The following FAAP20 variants were observed in gnomAD, a reference collection of about 807,000 sequenced individuals.
FAAP20 encodes the protein FA core complex associated protein 20.
In FAAP20, 12 loss-of-function variants were observed where a neutral mutation model predicts 16.2. That is an observed-to-expected ratio of 0.74 (90% CI 0.48 to 1.20). The LOEUF (loss-of-function observed/expected upper bound fraction) is 1.20, where lower values mean the gene tolerates loss of function less well. FAAP20 is among the 50% of genes most tolerant of loss of function. FAAP20 has a pLI of 0.00. For synonymous variants in FAAP20, 141 were observed against 110.7 expected (o/e 1.27, Z -1.72); for missense variants, 288 against 245.8 (o/e 1.17, Z -1.15).
upstream of FAAP20, among the ~76,000 whole-genome samples, chr1:2,203,182 G>A (rs1689114098): frequency 6.6e-6 from 1 of 152,216 alleles, no homozygotes; most frequent in Admixed American, 6.5e-5. Flanking sequence ...GGAAGTAGTG[G>A]CCTGATGCCC....
At chr1:2,188,485 C>G (rs990093385), downstream of FAAP20, among the ~76,000 whole-genome samples, 1 of 152,216 alleles carries the variant, frequency 6.6e-6, no homozygotes, top group Non-Finnish European at 1.5e-5. Context: ...CTCTTCTGGC[C>G]TGTGTCCCCC....
chr1:2,188,970 A>G (rs867492583), downstream of FAAP20, among the ~76,000 whole-genome samples: 1 of 144,936 alleles, frequency 6.9e-6, no homozygotes, highest in South Asian at 2.2e-4. Context: ...GCGCCACTGC[A>G]CTCCAGCCTG....
chr1:2,210,591 G>A (rs904252868), downstream of FAAP20, among the ~76,000 whole-genome samples: 2 of 152,072 alleles, frequency 1.3e-5, no homozygotes, highest in Non-Finnish European at 2.9e-5. Context: ...GTGGCTCCTC[G>A]GGGCTCCTCC....
downstream of FAAP20, chr1:2,184,744 CCCATGGCAGGCCGGCACCTTGGGCAGCT>C: frequency 6.4e-7 from 1 of 1,563,752 alleles, no homozygotes; most frequent in South Asian, 1.1e-5. Context: ...CTCGGGCAGC[CCCATGGCAGGCCGGCACCTTGGGCAGCT>C]GGTGACCCAG....
upstream of FAAP20, chr1:2,198,722 G>A: frequency 7.9e-7 from 1 of 1,272,948 alleles, no homozygotes; most frequent in South Asian, 1.3e-5. Context: ...AAATGGCCCA[G>A]CACCCACACA....
chr1:2,200,786 C>G, upstream of FAAP20: 6 of 1,003,554 alleles, frequency 6.0e-6, no homozygotes, highest in Non-Finnish European at 7.1e-6. Context: ...GAGGAAGAGG[C>G]TCCCCCATGG....
At chr1:2,199,401 G>A, upstream of FAAP20, 1 of 1,022,148 alleles carries the variant, frequency 9.8e-7, no homozygotes, top group Non-Finnish European at 1.2e-6. The surrounding 1 kb of genome is among the most constrained non-coding windows in gnomAD (Gnocchi z 4.5). Flanking sequence ...CCCCAGCCCA[G>A]CCCAGCCCAG....
At chr1:2,190,436 G>T (rs1316117092) in intron 3 of FAAP20, 1 of 444,076 alleles carries the variant, frequency 2.3e-6, no homozygotes, top group African/African-American at 2.0e-5. Context: ...AGCGCCCTGG[G>T]CATCCAGTGG....
chr1:2,186,621 G>C (rs1419300052), downstream of FAAP20, among the ~76,000 whole-genome samples: 1 of 151,760 alleles, frequency 6.6e-6, no homozygotes, highest in African/African-American at 2.4e-5. Context: ...GCAGAGTCCA[G>C]GAGCCGACCT....
rs1687920800 is a variant in FAAP20 at position 2,189,573 on chromosome 1, G to A, written c.*136C>T. ...TTTCATCACAACACAGAGACAGACAGGAGCCCGCCCTGCTTTAATGCGCAT... is the reference window on the plus strand; with the variant it reads ...TTTCATCACAACACAGAGACAGACAAGAGCCCGCCCTGCTTTAATGCGCAT... On this transcript the variant is annotated 3_prime_UTR_variant, in exon 4 of 4. Transcript: ENST00000378546. 2 of 743,134 alleles carry A rather than the reference G, an allele frequency of 2.7e-6. No individual in the cohort carries two copies. Among genetic ancestry groups the A allele is most frequent in the Non-Finnish European group, 4.8e-6 (2 of 418,746 alleles). The allele number at this position is 743,134 out of a possible 1,614,324, so 46.0% of individuals were successfully genotyped here.
upstream of FAAP20, chr1:2,200,775 T>C: frequency 1.0e-6 from 1 of 999,662 alleles, no homozygotes; most frequent in Non-Finnish European, 1.2e-6. Flanking sequence ...CACCCGGAGC[T>C]GAGGAAGAGG....
chr1:2,194,851 C>T (rs1401736082), upstream of FAAP20: 1 of 1,031,888 alleles, frequency 9.7e-7, no homozygotes, highest in Non-Finnish European at 1.2e-6. Context: ...GCGAGGCCGC[C>T]CCCCTCCGAG....
chr1:2,199,707 C>T (rs370236790), upstream of FAAP20: 146 of 890,416 alleles, frequency 1.6e-4, no homozygotes, highest in Admixed American at 6.2e-5. This position sits in a 1 kb window ranked among gnomAD's most constrained non-coding sequence, Gnocchi z 4.5. Flanking sequence ...AGGTCTGTGC[C>T]GATATAATCA....
chr1:2,192,143 G>A (rs1046371787), intron 3 of FAAP20: 9 of 985,516 alleles, frequency 9.1e-6, no homozygotes, highest in African/African-American at 3.5e-5. Flanking sequence ...CAATCCAGGC[G>A]GCCTCCCTGC....
At chr1:2,199,629 T>G, upstream of FAAP20, 1 of 985,740 alleles carries the variant, frequency 1.0e-6, no homozygotes, top group Non-Finnish European at 1.2e-6. The surrounding 1 kb of genome is among the most constrained non-coding windows in gnomAD (Gnocchi z 4.5). Flanking sequence ...AGGAGCACTG[T>G]GGGTTGAGCA....
chr1:2,208,755 G>C (rs1012461270), downstream of FAAP20, among the ~76,000 whole-genome samples: 1 of 152,242 alleles, frequency 6.6e-6, no homozygotes, highest in Non-Finnish European at 1.5e-5. Context: ...GCCCCAGAGG[G>C]GTTTGGGCCG....
intron 2 of FAAP20, 43 bp downstream of exon 2, chr1:2,193,955 C>T (rs987447284): frequency 6.2e-7 from 1 of 1,612,234 alleles, no homozygotes; most frequent in East Asian, 2.2e-5. Context: ...TGGCTCCCGC[C>T]CTGGAAACCC....
chr1:2,197,652 C>T (rs1688877946), upstream of FAAP20, among the ~76,000 whole-genome samples: 1 of 152,258 alleles, frequency 6.6e-6, no homozygotes, highest in Non-Finnish European at 1.5e-5. Context: ...GGGCCTGGTG[C>T]TTTGGGGACG....
downstream of FAAP20, chr1:2,185,953 G>A (rs1292558453): frequency 3.3e-5 from 11 of 334,224 alleles, no homozygotes; most frequent in East Asian, 5.9e-4. Context: ...TCTTCCCAGC[G>A]GCGCGGACCT....
Sources: allele counts gnomAD v4.1 joint callset (sites outside exome capture counted in the v4.1 genomes callset), GRCh38; gene constraint gnomAD v4.1.1; non-coding constraint Gnocchi (gnomAD v3.1); transcripts MANE v1.5; gene names NCBI Gene and HGNC (gene_info 2026-07-23, HGNC 2026-07-21).